The following C8orf34 variants were observed in gnomAD, a reference collection of about 807,000 sequenced individuals.
The protein encoded by C8orf34 is chromosome 8 open reading frame 34, also known as uncharacterized protein C8orf34.
In C8orf34, 65 loss-of-function variants were observed where a neutral mutation model predicts 68.3. The ratio of observed to expected loss-of-function variants is 0.95; its 90% confidence interval spans 0.78 to 1.17. The LOEUF (loss-of-function observed/expected upper bound fraction) is 1.17, where lower values mean the gene tolerates loss of function less well. Ranked by LOEUF, C8orf34 falls within the 50% of genes most tolerant of loss-of-function variation. The pLI, the probability that C8orf34 is intolerant of heterozygous loss-of-function variation, is 0.00. For synonymous variants in C8orf34, 244 were observed against 241.2 expected (o/e 1.01, Z -0.11); for missense variants, 664 against 655.4 (o/e 1.01, Z -0.14).
At chr8:68,693,296 C>G (rs552748419) in intron 8 of C8orf34, among the ~76,000 whole-genome samples, 3 of 152,064 alleles carry the variant, frequency 2.0e-5, no homozygotes, top group African/African-American at 7.2e-5. Flanking sequence ...GCCTGGAAGA[C>G]TTCTGTTGGT....
At chr8:68,600,244 C>T (rs1341777967) in intron 7 of C8orf34, among the ~76,000 whole-genome samples, 2 of 152,032 alleles carry the variant, frequency 1.3e-5, no homozygotes, top group African/African-American at 4.8e-5. Flanking sequence ...AGAAATTGTA[C>T]TCTCATTCAA....
intron 7 of C8orf34, among the ~76,000 whole-genome samples, chr8:68,617,563 T>G (rs1289469756): frequency 2.0e-5 from 3 of 152,214 alleles, no homozygotes; most frequent in Admixed American, 6.5e-5. Flanking sequence ...TGGCTGGATA[T>G]GAAATTCTGG....
chr8:68,754,000 A>G (rs2129527732), intron 10 of C8orf34, among the ~76,000 whole-genome samples: 1 of 152,012 alleles, frequency 6.6e-6, no homozygotes, highest in East Asian at 1.9e-4. Flanking sequence ...CTGAGAATGA[A>G]CCTCCCACAT....
In C8orf34 at chr8:68,550,920, C is replaced by T. The variant is rs188199864; in HGVS notation, c.1105+17771C>T. ...TTGTTTTGTTTGTTCTGCTTCCCCC[C>T]CTCTGGTTTCTTTCAAAGTTTCTTC... is the stretch of plus-strand genomic sequence containing the variant. On this transcript the variant is annotated intron_variant, in intron 7 of 13. Coordinates refer to ENST00000518698, the MANE Select transcript of C8orf34 (RefSeq NM_052958.4). 8.6e-5 allele frequency among the ~76,000 whole-genome samples: 13 copies of T among 151,256 alleles called. 1 individual carries two copies. The highest frequency in any genetic ancestry group is 4.6e-4 in the Admixed American group (7 of 15,182).
At chr8:68,683,613 G>A (rs1369229) in intron 8 of C8orf34, among the ~76,000 whole-genome samples, 14,033 of 151,942 alleles carry the variant, frequency 0.092, 800 homozygotes, top group African/African-American at 0.15. Flanking sequence ...TTTGATGTCT[G>A]GAAAAAGGTA....
intron 1 of C8orf34, among the ~76,000 whole-genome samples, chr8:68,350,978 T>C (rs985970935): frequency 2.0e-5 from 3 of 152,158 alleles, no homozygotes; most frequent in South Asian, 4.1e-4. Flanking sequence ...AGCATTGATA[T>C]GTGTGGATTT....
At chr8:68,331,735 C>T (rs1253457040) in intron 1 of C8orf34, among the ~76,000 whole-genome samples, 2 of 130,646 alleles carry the variant, frequency 1.5e-5, no homozygotes, top group Non-Finnish European at 3.2e-5. Context: ...TTCACGCTAT[C>T]TTGAGTGTTC....
chr8:68,401,128 T>G (rs1586059260), intron 1 of C8orf34, among the ~76,000 whole-genome samples: 1 of 151,922 alleles, frequency 6.6e-6, no homozygotes, highest in Non-Finnish European at 1.5e-5. Context: ...TTTTTTTTTT[T>G]TTGTAGCTAT....
chr8:68,712,317 G>T (rs1821349743), intron 9 of C8orf34, among the ~76,000 whole-genome samples: 2 of 152,064 alleles, frequency 1.3e-5, no homozygotes, highest in South Asian at 2.1e-4. Context: ...ACAGCACAAC[G>T]AATAGAATAC....
chr8:68,743,638 A>C (rs1414777908), intron 10 of C8orf34, among the ~76,000 whole-genome samples: 1 of 152,180 alleles, frequency 6.6e-6, no homozygotes, highest in Non-Finnish European at 1.5e-5. Context: ...CACCTGAAAA[A>C]TTGTGTCACT....
At chr8:68,401,033 A>G (rs1231887921) in intron 1 of C8orf34, among the ~76,000 whole-genome samples, 1 of 149,974 alleles carries the variant, frequency 6.7e-6, no homozygotes, top group East Asian at 2.0e-4. Context: ...CCATTTCTTC[A>G]TGTTATCTTC....
chr8:68,574,735 A>C (rs1816853505), intron 7 of C8orf34, among the ~76,000 whole-genome samples: 1 of 152,044 alleles, frequency 6.6e-6, no homozygotes, highest in South Asian at 2.1e-4. Flanking sequence ...CTTATGGAAG[A>C]TCTTATTTGA....
chr8:68,737,283 T>C (rs530805742), intron 10 of C8orf34, among the ~76,000 whole-genome samples: 6 of 152,240 alleles, frequency 3.9e-5, no homozygotes, highest in Non-Finnish European at 5.9e-5. Context: ...CTGTCCTTAA[T>C]AGAAACCTTT....
At chr8:68,343,860 G>A (rs576246971) in intron 1 of C8orf34, among the ~76,000 whole-genome samples, 1 of 152,186 alleles carries the variant, frequency 6.6e-6, no homozygotes, top group African/African-American at 2.4e-5. Context: ...CCAAAGTGCT[G>A]GGATTACAGG....
chr8:68,787,604 C>G, intron 12 of C8orf34, 68 bp downstream of exon 12: 1 of 1,097,260 alleles, frequency 9.1e-7, no homozygotes, highest in South Asian at 1.6e-5. Flanking sequence ...AAAGCTATTT[C>G]ACTTTCATAG....
Position 68,596,898 on chromosome 8 carries a change from G to C in C8orf34, c.1106-43478G>C, listed in dbSNP as rs75132035. On this transcript the variant is annotated intron_variant, in intron 7 of 13. Transcript: ENST00000518698. ...AAACACAAGAGACCTACAGAGAACT[G>C]TTTCCTGTTATGGGAAGATAAACTA... is the stretch of plus-strand genomic sequence containing the variant. Among the ~76,000 whole-genome samples the C allele has an allele frequency of 3.6e-3, 552 of 152,248 alleles. 7 individuals are homozygous for C. Among genetic ancestry groups the C allele is most frequent in the African/African-American group, 0.013 (529 of 41,558 alleles).
intron 1 of C8orf34, among the ~76,000 whole-genome samples, chr8:68,384,289 A>G (rs1808163163): frequency 6.6e-6 from 1 of 151,744 alleles, no homozygotes; most frequent in African/African-American, 2.4e-5. Flanking sequence ...AGGTCAAAAG[A>G]ACATGTATCA....
rs566180191 is a variant in C8orf34 at position 68,331,120 on chromosome 8, C to T, written c.108C>T (p.Ala36=). 345 of 1,508,304 alleles carry T rather than the reference C, an allele frequency of 2.3e-4. No homozygotes were observed. In the African/African-American group the frequency reaches 4.2e-3, roughly 18 times the overall value. 93.4% of individuals were successfully genotyped at this position (1,508,304 alleles called of 1,614,324 possible). Residue 36 remains alanine (A), a synonymous_variant, in exon 1 of 14, where the codon GCC becomes GCT. Transcript: ENST00000518698. ...ARVAPRAATH[A]RGRGRASHAG... The stretch of plus-strand genomic sequence containing the variant: ...TGGCTCCCCGGGCTGCCACCCACGC[C>T]CGCGGCCGGGGCCGAGCCAGCCACG...
At chr8:68,334,862 T>C (rs1469157674) in intron 1 of C8orf34, among the ~76,000 whole-genome samples, 1 of 152,246 alleles carries the variant, frequency 6.6e-6, no homozygotes, top group Admixed American at 6.5e-5. Context: ...GATCAAAGCC[T>C]GCATCACTTA....
Sources: allele counts gnomAD v4.1 joint callset (sites outside exome capture counted in the v4.1 genomes callset), GRCh38; gene constraint gnomAD v4.1.1; transcripts MANE v1.5; gene names NCBI Gene and HGNC (gene_info 2026-07-23, HGNC 2026-07-21).